Variants in CNTN4 observed in about 807,000 individuals in gnomAD.
The protein encoded by CNTN4 is contactin-4.
In CNTN4, 77 loss-of-function variants were observed where a neutral mutation model predicts 122.5. That is an observed-to-expected ratio of 0.63 (90% CI 0.52 to 0.76). The LOEUF (loss-of-function observed/expected upper bound fraction) is 0.76, where lower values mean the gene tolerates loss of function less well. Ranked by LOEUF, CNTN4 falls within the 30% of genes least tolerant of loss-of-function variation. The pLI, the probability that CNTN4 is intolerant of heterozygous loss-of-function variation, is 0.00. For missense variants in CNTN4, 1,256 were observed against 1,259.1 expected (o/e 1.00, Z 0.04); for synonymous variants, 512 against 447.0 (o/e 1.15, Z -1.83).
At chr3:2,411,534 A>C (rs1359779880) in intron 3 of CNTN4, among the ~76,000 whole-genome samples, 1 of 152,138 alleles carries the variant, frequency 6.6e-6, no homozygotes, top group African/African-American at 2.4e-5. Context: ...TGCCCTGTTT[A>C]GTTTTTTGGA....
At chr3:2,347,661 C>T (rs927871495) in intron 3 of CNTN4, among the ~76,000 whole-genome samples, 15 of 143,738 alleles carry the variant, frequency 1.0e-4, no homozygotes, top group Middle Eastern at 3.5e-3. Flanking sequence ...CCACCCACCT[C>T]GGCCTCCCAA....
At chr3:2,571,377 A>G (rs2079413221) in intron 3 of CNTN4, 39 bp from the exon 4 acceptor site, 2 of 739,594 alleles carry the variant, frequency 2.7e-6, no homozygotes, top group African/African-American at 1.7e-5. Context: ...AAGGAGAAAT[A>G]TTCCCAAATC....
intron 3 of CNTN4, among the ~76,000 whole-genome samples, chr3:2,506,301 C>A (rs2076729542): frequency 6.6e-6 from 1 of 152,148 alleles, no homozygotes; most frequent in African/African-American, 2.4e-5. Context: ...CTGGAGCCGA[C>A]AAAAGAGCTC....
intron 10 of CNTN4, among the ~76,000 whole-genome samples, chr3:2,899,322 AG>A (rs2094147743): frequency 6.6e-6 from 1 of 152,244 alleles, no homozygotes; most frequent in South Asian, 2.1e-4. Flanking sequence ...GAAGATACTG[AG>A]GTCAAGTCAG....
chr3:2,949,914 A>G (rs942402984), intron 13 of CNTN4, among the ~76,000 whole-genome samples: 1 of 152,222 alleles, frequency 6.6e-6, no homozygotes, highest in Non-Finnish European at 1.5e-5. Flanking sequence ...TAACTCTTTA[A>G]TGGCATTTGG....
rs569617971 is a variant in CNTN4 at position 2,165,444 on chromosome 3, CAT to C, written c.-145+64806_-145+64807del. Among the ~76,000 whole-genome samples, 439 of 152,192 alleles carry C rather than the reference CAT, an allele frequency of 2.9e-3. 1 individual carries two copies. The highest frequency in any genetic ancestry group is 0.01 in the African/African-American group (416 of 41,528). On this transcript the variant is annotated intron_variant, in intron 2 of 24. Coordinates refer to ENST00000418658, the MANE Select transcript of CNTN4 (RefSeq NM_175607.3). ...AAGGTATACAACTTGATTATTTTGA[CAT>C]GTGTGTACATTGTGACAAGATTACC...
rs533482293 is a variant in CNTN4 at position 2,489,130 on chromosome 3, TG to T, written c.-88-82284del. 5.3e-4 allele frequency among the ~76,000 whole-genome samples: 80 copies of T among 152,354 alleles called. 2 individuals are homozygous for T. In the South Asian group the frequency reaches 0.016, roughly 30 times the overall value. ...GCATGTATTGACTCAGTTTACTTTT[TG>T]GTGCACTATTGAAATCACTCAATTG... On this transcript the variant is annotated intron_variant, in intron 3 of 24. Coordinates refer to ENST00000418658, the MANE Select transcript of CNTN4 (RefSeq NM_175607.3).
chr3:2,629,050 G>T (rs572963567), intron 4 of CNTN4, among the ~76,000 whole-genome samples: 1 of 152,252 alleles, frequency 6.6e-6, no homozygotes, highest in African/African-American at 2.4e-5. Context: ...TTAAGAAGCG[G>T]TATCTGAAAG....
intron 8 of CNTN4, among the ~76,000 whole-genome samples, chr3:2,880,780 C>A (rs971256636): frequency 6.6e-6 from 1 of 152,190 alleles, no homozygotes; most frequent in Non-Finnish European, 1.5e-5. Flanking sequence ...AGTTTCAACA[C>A]CGACTGGTTT....
intron 13 of CNTN4, among the ~76,000 whole-genome samples, chr3:2,939,582 T>C (rs888112592): frequency 1.3e-5 from 2 of 152,098 alleles, no homozygotes; most frequent in African/African-American, 2.4e-5. Flanking sequence ...AATGATCACA[T>C]GTAGTAAGTC....
intron 3 of CNTN4, among the ~76,000 whole-genome samples, chr3:2,454,683 T>C (rs1212521856): frequency 2.3e-4 from 24 of 104,368 alleles, no homozygotes; most frequent in Middle Eastern, 4.6e-3. Flanking sequence ...AATTCAAGTC[T>C]AGGTTGTTTA....
At position 2,301,004 on chromosome 3, in the gene CNTN4, G is replaced by A. The variant is rs1014067030; in HGVS notation, c.-144-38174G>A. On this transcript the variant is annotated intron_variant, in intron 2 of 24. Transcript: ENST00000418658. Reference sequence around the variant, plus strand: ...TGACAGCTTAGTAAATGATCCTTTTGAAAATATTGCTGTTATTACTCTTTA... The same window carrying A: ...TGACAGCTTAGTAAATGATCCTTTTAAAAATATTGCTGTTATTACTCTTTA... 2.0e-5 allele frequency among the ~76,000 whole-genome samples: 3 copies of A among 152,248 alleles called. No homozygotes were observed. The East Asian group carries it at 5.8e-4, about 29-fold the overall frequency.
At chr3:2,591,815 T>C (rs2080507415) in intron 4 of CNTN4, among the ~76,000 whole-genome samples, 1 of 152,350 alleles carries the variant, frequency 6.6e-6, no homozygotes, top group Middle Eastern at 3.4e-3. Flanking sequence ...ATGCCAGGTG[T>C]AGTAGTCTGC....
At chr3:2,440,888 T>TA (rs200984286) in intron 3 of CNTN4, among the ~76,000 whole-genome samples, 2,305 of 147,932 alleles carry the variant, frequency 0.016, 46 homozygotes, top group African/African-American at 0.049. Flanking sequence ...TATGTATATA[T>TA]ATATACATGT....
chr3:2,484,703 C>T (rs937423301), intron 3 of CNTN4, among the ~76,000 whole-genome samples: 1 of 152,202 alleles, frequency 6.6e-6, no homozygotes, highest in African/African-American at 2.4e-5. Context: ...TGCTCTTGAA[C>T]TGTATTTTTC....
intron 3 of CNTN4, among the ~76,000 whole-genome samples, chr3:2,485,229 A>G (rs904505538): frequency 6.6e-6 from 1 of 152,284 alleles, no homozygotes; most frequent in East Asian, 1.9e-4. Flanking sequence ...GAGCCTCCGC[A>G]GACAGCACCT....
At chr3:2,285,868 T>C (rs2149938058) in intron 2 of CNTN4, among the ~76,000 whole-genome samples, 1 of 152,282 alleles carries the variant, frequency 6.6e-6, no homozygotes, top group South Asian at 2.1e-4. Context: ...GAAAATATTA[T>C]TCTTCATTAT....
At chr3:2,271,753 G>A (rs564027337) in intron 2 of CNTN4, among the ~76,000 whole-genome samples, 29 of 152,190 alleles carry the variant, frequency 1.9e-4, no homozygotes, top group African/African-American at 6.5e-4. Context: ...TCTTATTGGA[G>A]GCTAAGAATT....
chr3:2,791,733 G>A (rs1472322809), intron 6 of CNTN4, among the ~76,000 whole-genome samples: 2 of 152,234 alleles, frequency 1.3e-5, no homozygotes, highest in African/African-American at 4.8e-5. Flanking sequence ...TGAGATACCC[G>A]AAACTTAGTA....
Sources: gnomAD v4.1 joint callset for allele counts (sites outside exome capture counted in the v4.1 genomes callset) on GRCh38, gnomAD v4.1.1 for gene constraint, MANE v1.5 for transcripts, NCBI Gene and HGNC (gene_info 2026-07-23, HGNC 2026-07-21) for gene names.